MMP16: variants seen among roughly 807,000 people sequenced by gnomAD.
MMP16 encodes the protein matrix metallopeptidase 16, also known as matrix metalloproteinase-16.
A neutral mutation model predicts 67.8 loss-of-function variants in MMP16; 12 were observed. The ratio of observed to expected loss-of-function variants is 0.18; its 90% confidence interval spans 0.11 to 0.29. MMP16 has a LOEUF of 0.29. MMP16 is among the 10% of genes least tolerant of loss of function. MMP16 has a pLI of 1.00. For synonymous variants in MMP16, 249 were observed against 255.9 expected (o/e 0.97, Z 0.26); for missense variants, 475 against 765.7 (o/e 0.62, Z 4.48).
intron 1 of MMP16, among the ~76,000 whole-genome samples, chr8:88,220,303 C>T (rs557841227): frequency 9.9e-5 from 15 of 152,142 alleles, no homozygotes; most frequent in South Asian, 4.1e-4. Flanking sequence ...TTTGTTATGA[C>T]TTTTAAGTTT....
chr8:88,224,803 A>C (rs1042147968), intron 1 of MMP16, among the ~76,000 whole-genome samples: 1 of 152,028 alleles, frequency 6.6e-6, no homozygotes, highest in Non-Finnish European at 1.5e-5. Flanking sequence ...TTTCTTTCTG[A>C]GAACCTCAGA....
chr8:88,078,573 T>A (rs1242298551), intron 6 of MMP16, among the ~76,000 whole-genome samples: 1 of 152,014 alleles, frequency 6.6e-6, no homozygotes, highest in Admixed American at 6.6e-5. Flanking sequence ...AAAAAATGAA[T>A]CAGCTGAGTC....
intron 1 of MMP16, among the ~76,000 whole-genome samples, chr8:88,206,639 A>T (rs555446023): frequency 6.6e-6 from 1 of 152,296 alleles, no homozygotes; most frequent in East Asian, 1.9e-4. Context: ...CTTACTTTTT[A>T]TTAATCTTAA....
At chr8:88,243,606 T>G (rs1034818584) in intron 1 of MMP16, among the ~76,000 whole-genome samples, 3 of 152,194 alleles carry the variant, frequency 2.0e-5, no homozygotes, top group East Asian at 1.9e-4. Context: ...AGTCTGTTTT[T>G]GGGCAAGAAT....
At chr8:88,165,392 C>T (rs765497201) in intron 4 of MMP16, among the ~76,000 whole-genome samples, 8 of 151,714 alleles carry the variant, frequency 5.3e-5, no homozygotes, top group Non-Finnish European at 8.8e-5. Context: ...TACAGATTTA[C>T]AATTGTTTTA....
intron 4 of MMP16, among the ~76,000 whole-genome samples, chr8:88,133,232 GA>G (rs28907611): frequency 0.37 from 55,447 of 151,364 alleles, 10,428 homozygotes; most frequent in East Asian, 0.48. Context: ...TGATTCTTAA[GA>G]AAAAAAATAC....
At chr8:88,293,488 A>G (rs1018048998) in intron 1 of MMP16, among the ~76,000 whole-genome samples, 18 of 152,152 alleles carry the variant, frequency 1.2e-4, no homozygotes, top group Admixed American at 1.0e-3. Context: ...AAATAAAGGT[A>G]TAATCTAAAT....
chr8:88,288,873 T>A (rs761618173), intron 1 of MMP16, among the ~76,000 whole-genome samples: 34 of 152,326 alleles, frequency 2.2e-4, no homozygotes, highest in Admixed American at 7.8e-4. Context: ...ATTTTATCTC[T>A]TCATTAAACA....
intron 2 of MMP16, among the ~76,000 whole-genome samples, chr8:88,187,191 C>A (rs1007396686): frequency 6.6e-6 from 1 of 152,008 alleles, no homozygotes; most frequent in African/African-American, 2.4e-5. Context: ...TGATAAATAA[C>A]CAAATTCAAT....
At chr8:88,201,872 T>C (rs1809350088) in intron 1 of MMP16, among the ~76,000 whole-genome samples, 1 of 152,158 alleles carries the variant, frequency 6.6e-6, no homozygotes, top group Non-Finnish European at 1.5e-5. Flanking sequence ...AAATACCATA[T>C]ACTTACTGGT....
At chr8:88,254,162 G>C (rs1810267880) in intron 1 of MMP16, among the ~76,000 whole-genome samples, 1 of 152,066 alleles carries the variant, frequency 6.6e-6, no homozygotes, top group Admixed American at 6.6e-5. Flanking sequence ...CCTTTGCAGG[G>C]ACATGGATAG....
chr8:88,169,782 G>C (rs1431909796), intron 3 of MMP16, among the ~76,000 whole-genome samples: 2 of 152,122 alleles, frequency 1.3e-5, no homozygotes, highest in Admixed American at 1.3e-4. Context: ...GAGAGAGCAA[G>C]TGTCAGGATA....
intron 1 of MMP16, among the ~76,000 whole-genome samples, chr8:88,296,138 T>C (rs1383903352): frequency 6.6e-6 from 1 of 152,200 alleles, no homozygotes; most frequent in African/African-American, 2.4e-5. Context: ...CATTTATTCA[T>C]TCATTTATTC....
chr8:88,312,289 TTTATAG>T (rs1811307078), intron 1 of MMP16, among the ~76,000 whole-genome samples: 1 of 152,180 alleles, frequency 6.6e-6, no homozygotes, highest in Non-Finnish European at 1.5e-5. Context: ...CACCCAATCT[TTTATAG>T]TTAGACATTT....
intron 4 of MMP16, among the ~76,000 whole-genome samples, chr8:88,158,470 T>C (rs565953668): frequency 6.6e-6 from 1 of 152,334 alleles, no homozygotes; most frequent in Admixed American, 6.5e-5. Flanking sequence ...ATGTCTTCTT[T>C]TGAGAAGTGT....
At chr8:88,264,898 G>C (rs961649156) in intron 1 of MMP16, among the ~76,000 whole-genome samples, 6 of 152,190 alleles carry the variant, frequency 3.9e-5, no homozygotes, top group Admixed American at 1.3e-4. Flanking sequence ...AGAAAACTAT[G>C]CTAACGTTTC....
chr8:88,116,438 A>G, intron 6 of MMP16, 69 bp downstream of exon 6: 1 of 1,353,136 alleles, frequency 7.4e-7, no homozygotes, highest in Non-Finnish European at 1.0e-6. Flanking sequence ...AATGAATGAG[A>G]ACTTGTTTTC....
chr8:88,322,742 G>A (rs1811479876), intron 1 of MMP16, among the ~76,000 whole-genome samples: 1 of 152,048 alleles, frequency 6.6e-6, no homozygotes, highest in Non-Finnish European at 1.5e-5. Context: ...CTACTCAGGA[G>A]GCTAAGGTGG....
intron 1 of MMP16, among the ~76,000 whole-genome samples, chr8:88,314,222 T>G (rs1811343282): frequency 6.6e-6 from 1 of 152,230 alleles, no homozygotes; most frequent in South Asian, 2.1e-4. Context: ...TATTGTAATT[T>G]TTATCTCTAA....
Sources: allele counts gnomAD v4.1 joint callset (sites outside exome capture counted in the v4.1 genomes callset), GRCh38; gene constraint gnomAD v4.1.1; transcripts MANE v1.5; gene names NCBI Gene and HGNC (gene_info 2026-07-23, HGNC 2026-07-21).